ANKRD33B: variants seen among roughly 807,000 people sequenced by gnomAD.
The protein encoded by ANKRD33B is ankyrin repeat domain-containing protein 33B.
In ANKRD33B, 6 loss-of-function variants were observed where a neutral mutation model predicts 21.5. The observed-to-expected ratio is 0.28, with a 90% CI of 0.15 to 0.55. The LOEUF (loss-of-function observed/expected upper bound fraction) is 0.55, where lower values mean the gene tolerates loss of function less well. Ranked by LOEUF, ANKRD33B falls within the 20% of genes least tolerant of loss-of-function variation. The pLI, the probability that ANKRD33B is intolerant of heterozygous loss-of-function variation, is 0.94. For synonymous variants in ANKRD33B, 347 were observed against 342.4 expected (o/e 1.01, Z -0.15); for missense variants, 698 against 747.2 (o/e 0.93, Z 0.77).
intron 3 of ANKRD33B, among the ~76,000 whole-genome samples, chr5:10,640,051 G>A (rs567844343): frequency 1.5e-4 from 14 of 96,070 alleles, no homozygotes; most frequent in East Asian, 1.2e-3. Context: ...GGAGTTGCAC[G>A]GTGATGTTAG....
chr5:10,594,358 C>T (rs539544447), intron 1 of ANKRD33B, among the ~76,000 whole-genome samples: 1 of 151,038 alleles, frequency 6.6e-6, no homozygotes, highest in Non-Finnish European at 1.5e-5. Flanking sequence ...GCTGGGATTA[C>T]AGGCATGCGC....
chr5:10,638,270 C>A, intron 3 of ANKRD33B, 102 bp downstream of exon 3: 1 of 1,345,532 alleles, frequency 7.4e-7, no homozygotes, highest in Non-Finnish European at 9.9e-7. Flanking sequence ...AGAAACAATG[C>A]CTAGTTGCTG....
At chr5:10,636,819 G>C (rs922204455) in intron 2 of ANKRD33B, among the ~76,000 whole-genome samples, 6 of 152,244 alleles carry the variant, frequency 3.9e-5, no homozygotes, top group Admixed American at 3.9e-4. Flanking sequence ...GGTCACGAAG[G>C]AGTGAAGTCT....
chr5:10,593,683 G>C (rs1735746707), intron 1 of ANKRD33B, among the ~76,000 whole-genome samples: 1 of 151,814 alleles, frequency 6.6e-6, no homozygotes, highest in Admixed American at 6.6e-5. Context: ...CTCCCGGGCA[G>C]GGGGGCTAAC....
At position 10,564,646 on chromosome 5, in the gene ANKRD33B, C is replaced by G. The variant is rs1735005626; in HGVS notation, c.179C>G (p.Pro60Arg). ...RSIASDDSFY[P>R]FEDEEEHGVE... ...ATCGCCTCGGACGACTCTTTCTACC[C>G]TTTCGAGGACGAGGAGGAGCACGGC... Residue 60 changes from proline to arginine, a missense_variant, in exon 1 of 4, where the codon CCT (proline) becomes CGT (arginine). This residue lies in a region of ANKRD33B where 148 missense variants were observed against 154.9 expected (regional missense o/e 0.96). Transcript: ENST00000296657. 4 of 1,535,060 alleles carry G rather than the reference C, an allele frequency of 2.6e-6. No homozygotes were observed. Among genetic ancestry groups the G allele is most frequent in the Non-Finnish European group, 3.5e-6 (4 of 1,146,636 alleles).
In ANKRD33B at chr5:10,568,026, C is replaced by G. The variant is rs572661295; in HGVS notation, c.366+3193C>G. On this transcript the variant is annotated intron_variant, in intron 1 of 3. Coordinates refer to ENST00000296657, the MANE Select transcript of ANKRD33B (RefSeq NM_001164440.2). ...TGGGCATTTAAGAAGGGAGCTTTGC[C>G]TGAGCTGACAGGCATTCCATTTGGT... 7.9e-5 allele frequency among the ~76,000 whole-genome samples: 12 copies of G among 152,286 alleles called. No individual in the cohort carries two copies. The South Asian group carries it at 2.5e-3, about 32-fold the overall frequency.
At chr5:10,636,429 T>G (rs983492427) in intron 2 of ANKRD33B, among the ~76,000 whole-genome samples, 3 of 150,980 alleles carry the variant, frequency 2.0e-5, no homozygotes, top group Admixed American at 2.0e-4. Flanking sequence ...CTCGGCAACG[T>G]TGGGAGATCC....
At chr5:10,598,735 C>T (rs1735869603) in intron 1 of ANKRD33B, among the ~76,000 whole-genome samples, 1 of 152,062 alleles carries the variant, frequency 6.6e-6, no homozygotes, top group African/African-American at 2.4e-5. Flanking sequence ...GCTACTACAC[C>T]TGGCCAATCA....
chr5:10,637,511 C>A (rs1199555616), intron 2 of ANKRD33B, among the ~76,000 whole-genome samples: 1 of 132,952 alleles, frequency 7.5e-6, no homozygotes, highest in East Asian at 2.1e-4. Flanking sequence ...GAGAGAGACT[C>A]CTGCTTCTGG....
chr5:10,592,537 G>A (rs1029052798), intron 1 of ANKRD33B, among the ~76,000 whole-genome samples: 2 of 149,470 alleles, frequency 1.3e-5, no homozygotes, highest in South Asian at 2.1e-4. Context: ...CATGAGAATC[G>A]CTTGAACCCG....
intron 3 of ANKRD33B, among the ~76,000 whole-genome samples, chr5:10,643,157 C>T (rs1737103588): frequency 6.6e-6 from 1 of 152,118 alleles, no homozygotes; most frequent in Non-Finnish European, 1.5e-5. Flanking sequence ...CATGCCTCGT[C>T]CTCCCAAAGT....
At chr5:10,610,944 C>T (rs779340310) in intron 1 of ANKRD33B, among the ~76,000 whole-genome samples, 3 of 151,898 alleles carry the variant, frequency 2.0e-5, no homozygotes, top group Non-Finnish European at 2.9e-5. Context: ...CCTGGGAGGC[C>T]GAGGCAGGAG....
intron 3 of ANKRD33B, among the ~76,000 whole-genome samples, chr5:10,645,085 A>G (rs1459655045): frequency 6.6e-6 from 1 of 152,154 alleles, no homozygotes; most frequent in Non-Finnish European, 1.5e-5. Flanking sequence ...CCCACCTGCT[A>G]TGTGGTGGGG....
chr5:10,640,657 T>C (rs1452187850), intron 3 of ANKRD33B, among the ~76,000 whole-genome samples: 1 of 152,258 alleles, frequency 6.6e-6, no homozygotes, highest in African/African-American at 2.4e-5. Flanking sequence ...AATTTCTCTT[T>C]ATTTTTGTTC....
chr5:10,641,907 GCCCTGCCTGCCCTCATCA>G (rs1482590346), intron 3 of ANKRD33B, among the ~76,000 whole-genome samples: 1 of 152,126 alleles, frequency 6.6e-6, no homozygotes, highest in Non-Finnish European at 1.5e-5. Flanking sequence ...CAGAGTTTCG[GCCCTGCCTGCCCTCATCA>G]ATGAGAAATG....
chr5:10,656,952 C>G lies in ANKRD33B; in HGVS notation c.*6839C>G, dbSNP rs149701779. 5 of 151,048 alleles carry G rather than the reference C, an allele frequency of 3.3e-5. No homozygotes were observed. The highest frequency in any genetic ancestry group is 6.6e-5 in the Admixed American group (1 of 15,112). 9.4% of individuals were successfully genotyped at this position (151,048 alleles called of 1,614,324 possible). A position where few individuals can be genotyped will look rare whatever the true frequency, so the allele number is the denominator to read the frequency against. On this transcript the variant is annotated 3_prime_UTR_variant, in exon 4 of 4. Transcript: ENST00000296657. ...TGAGGGAACTAGTTTTGTCATAATACTACACCCCTCTATTGTTTTTAAATA... is the reference window on the plus strand; with the variant it reads ...TGAGGGAACTAGTTTTGTCATAATAGTACACCCCTCTATTGTTTTTAAATA...
intron 1 of ANKRD33B, among the ~76,000 whole-genome samples, chr5:10,580,007 A>C (rs1209323540): frequency 6.6e-6 from 1 of 151,882 alleles, no homozygotes; most frequent in Non-Finnish European, 1.5e-5. Flanking sequence ...AGCCCTAAGC[A>C]ACCATTAATC....
chr5:10,580,020 C>T (rs1735409565), intron 1 of ANKRD33B, among the ~76,000 whole-genome samples: 1 of 152,082 alleles, frequency 6.6e-6, no homozygotes, highest in African/African-American at 2.4e-5. Context: ...CATTAATCTA[C>T]TCTGTCTGCC....
intron 1 of ANKRD33B, among the ~76,000 whole-genome samples, chr5:10,572,183 C>T (rs915405713): frequency 4.6e-5 from 7 of 152,170 alleles, no homozygotes; most frequent in African/African-American, 1.4e-4. Context: ...GCCACCACAC[C>T]CGGCCAGGGC....
Sources: allele counts gnomAD v4.1 joint callset (sites outside exome capture counted in the v4.1 genomes callset), GRCh38; gene constraint gnomAD v4.1.1; regional missense constraint gnomAD v4.1.1; transcripts MANE v1.5; gene names NCBI Gene and HGNC (gene_info 2026-07-23, HGNC 2026-07-21).